ATP13A3: variants seen among roughly 807,000 people sequenced by gnomAD.
The protein encoded by ATP13A3 is polyamine-transporting ATPase 13A3.
ATP13A3 carries 59 observed loss-of-function variants against 158.1 expected under a neutral mutation model. The ratio of observed to expected loss-of-function variants is 0.37; its 90% CI spans 0.30 to 0.46. ATP13A3 has a LOEUF of 0.46. Ranked by LOEUF, ATP13A3 falls within the 20% of genes least tolerant of loss-of-function variation. The pLI is 1.00. For synonymous variants in ATP13A3, 491 were observed against 504.3 expected (o/e 0.97, Z 0.35); for missense variants, 1,166 against 1,525.2 (o/e 0.76, Z 3.92).
At chr3:194,420,255 T>C (rs2108765753) in intron 30 of ATP13A3, 1 of 179,892 alleles carries the variant, frequency 5.6e-6, no homozygotes, top group Non-Finnish European at 1.1e-5. Flanking sequence ...ACTCAGACCT[T>C]CACAGACATT....
intron 2 of ATP13A3, among the ~76,000 whole-genome samples, chr3:194,492,515 C>T (rs1295804099): frequency 6.6e-6 from 1 of 150,844 alleles, no homozygotes; most frequent in Non-Finnish European, 1.5e-5. Flanking sequence ...AGTACAATGG[C>T]ATGATCTTGG....
At position 194,406,023 on chromosome 3, in the gene ATP13A3, C is replaced by T. The variant is rs1714901385; in HGVS notation, c.3667G>A (p.Glu1223Lys). Residue 1223 changes from glutamate to lysine, a missense_variant, in exon 34 of 34, where the codon GAG becomes AAG. Around this residue, in one of 3 missense-constraint regions of ATP13A3, gnomAD observed 997 missense variants for 1,341.2 expected, o/e 0.74. Transcript: ENST00000645319. ...GGCCATTCTGGATCAACCAAGAGCT[C>T]CTGCGCCAGATACATGTACTTTGCC... is the stretch of plus-strand genomic sequence containing the variant. The part of the protein sequence containing the change: ...PKAKYMYLAQ[E>K]LLVDPEWPPK... 6.2e-7 allele frequency: 1 copy of T among 1,614,168 alleles called. No homozygotes were observed. Among genetic ancestry groups the T allele is most frequent in the Non-Finnish European group, 8.5e-7 (1 of 1,180,032 alleles).
At chr3:194,410,308 A>AAAC (rs1560066625) in intron 33 of ATP13A3, among the ~76,000 whole-genome samples, 1 of 139,948 alleles carries the variant, frequency 7.1e-6, no homozygotes, top group Non-Finnish European at 1.5e-5. Context: ...AAAAAAAAAA[A>AAAC]AAAAAAAAAA....
chr3:194,434,026 T>A, intron 20 of ATP13A3, 130 bp from the exon 21 acceptor site: 2 of 984,876 alleles, frequency 2.0e-6, no homozygotes, highest in Non-Finnish European at 2.9e-6. Flanking sequence ...TATCTATAAA[T>A]GAAAACATTT....
intron 20 of ATP13A3, 87 bp from the exon 21 acceptor site, chr3:194,433,983 A>C: frequency 7.6e-7 from 1 of 1,321,058 alleles, no homozygotes; most frequent in Non-Finnish European, 1.0e-6. Context: ...CTAAACAATT[A>C]AAAATGTCTA....
intron 7 of ATP13A3, 40 bp from the exon 8 acceptor site, chr3:194,456,002 A>AT (rs1719200048): frequency 1.6e-6 from 2 of 1,245,142 alleles, no homozygotes. Context: ...ACATTATATC[A>AT]TAATAGTATA....
rs3836225 is a variant in ATP13A3 at position 194,403,917 on chromosome 3, T to TG, written c.*2001dup. The TG allele has an allele frequency of 0.045, 12,409 of 273,826 alleles. 172 individuals carry two copies. The highest frequency in any genetic ancestry group is 0.077 in the African/African-American group (3,231 of 41,756). 17.0% of individuals were successfully genotyped at this position (273,826 alleles called of 1,614,324 possible). A position where few individuals can be genotyped will look rare whatever the true frequency, so the allele number is the denominator to read the frequency against. On this transcript the variant is annotated 3_prime_UTR_variant, in exon 34 of 34. Transcript: ENST00000645319. The stretch of plus-strand genomic sequence containing the variant: ...TTACTAACTCTAAATGTTAAAAAAG[T>TG]GGGGGGGGGGTGTCAAAAATAGCTC...
At chr3:194,430,456 T>C (rs1717136265) in intron 24 of ATP13A3, 141 bp from the exon 25 acceptor site, 2 of 949,178 alleles carry the variant, frequency 2.1e-6, no homozygotes, top group South Asian at 1.6e-5. Context: ...CTTTTCACTA[T>C]AATGAACACA....
chr3:194,459,918 A>G lies in ATP13A3; in HGVS notation c.279T>C (p.Thr93=), dbSNP rs192437984. 13,111 of 1,613,398 alleles carry G rather than the reference A, an allele frequency of 8.1e-3. 68 individuals carry two copies. Among genetic ancestry groups the G allele is most frequent in the Middle Eastern group, 0.018 (108 of 6,056 alleles). The change falls in exon 5 of 34, where the codon ACT becomes ACC. Residue 93 remains threonine (T), a synonymous_variant. Coordinates refer to ENST00000645319, the MANE Select transcript of ATP13A3 (RefSeq NM_001367549.1). The part of the protein sequence containing the change: ...CAKIRVLSLE[T]YPVSSPKSMS... ...TAGATTTTGGACTTGAAACTGGGTA[A>G]GTTTCCAAAGAAAGAACGCGAATTT...
intron 31 of ATP13A3, among the ~76,000 whole-genome samples, chr3:194,415,061 G>T (rs770568062): frequency 6.6e-6 from 1 of 152,214 alleles, no homozygotes; most frequent in Non-Finnish European, 1.5e-5. Flanking sequence ...AATGGGCAGA[G>T]GGAGTGGAGC....
At position 194,455,041 on chromosome 3, in the gene ATP13A3, C is replaced by T. The variant is rs189282767; in HGVS notation, c.631-649G>A. 1.2e-3 allele frequency among the ~76,000 whole-genome samples: 180 copies of T among 152,272 alleles called. 2 individuals are homozygous for T. Among genetic ancestry groups the T allele is most frequent in the Non-Finnish European group, 1.9e-3 (127 of 68,016 alleles). The stretch of plus-strand genomic sequence containing the variant: ...AGTACATTTATTTCCAATTACTGTG[C>T]TCTGGGCTAATAGAATACAAAACTT... On this transcript the variant is annotated intron_variant, in intron 8 of 33. Coordinates refer to ENST00000645319, the MANE Select transcript of ATP13A3 (RefSeq NM_001367549.1).
At chr3:194,490,818 A>G (rs990376664), upstream of ATP13A3, among the ~76,000 whole-genome samples, 2 of 152,234 alleles carry the variant, frequency 1.3e-5, no homozygotes. This position sits in a 1 kb window ranked among gnomAD's most constrained non-coding sequence, Gnocchi z 4.4. Context: ...CTCATCTACT[A>G]TGGCTATAGC....
chr3:194,422,145 C>T (rs2108778034), intron 30 of ATP13A3, among the ~76,000 whole-genome samples: 2 of 151,106 alleles, frequency 1.3e-5, no homozygotes, highest in South Asian at 4.2e-4. Context: ...AAAAAAGGCA[C>T]TATCCAAAAA....
At chr3:194,467,752 G>A (rs1191080488) in intron 2 of ATP13A3, 1 of 151,184 alleles carries the variant, frequency 6.6e-6, no homozygotes, top group Admixed American at 6.6e-5. Context: ...TGACTGAGAG[G>A]ATAAAAAACC....
rs181024321 is a variant in ATP13A3 at position 194,425,583 on chromosome 3, A to G, written c.3126-54T>C. On this transcript the variant is annotated intron_variant, in intron 29 of 33. Coordinates refer to ENST00000645319, the MANE Select transcript of ATP13A3 (RefSeq NM_001367549.1). ...TAGTAAACATAATACTCATTTCCCA[A>G]AAGAAACCAATCTTACCTTAATTGC... 2,401 of 1,423,316 alleles carry G rather than the reference A, an allele frequency of 1.7e-3. 4 individuals carry two copies. Among genetic ancestry groups the G allele is most frequent in the Non-Finnish European group, 1.6e-3 (1,689 of 1,044,342 alleles). The allele number at this position is 1,423,316 out of a possible 1,614,324, so 88.2% of individuals were successfully genotyped here.
rs1477969233 is a variant in ATP13A3 at position 194,403,636 on chromosome 3, G to C, written c.*2283C>G. The C allele has an allele frequency of 6.5e-6, 1 of 153,096 alleles. No individual in the cohort carries two copies. The highest frequency in any genetic ancestry group is 1.5e-5 in the Non-Finnish European group (1 of 68,726). 9.5% of individuals were successfully genotyped at this position (153,096 alleles called of 1,614,324 possible). A position where few individuals can be genotyped will look rare whatever the true frequency, so the allele number is the denominator to read the frequency against. On this transcript the variant is annotated 3_prime_UTR_variant, in exon 34 of 34. Transcript: ENST00000645319. ...TGTACAGATTTTAAAATTTAGGTCT[G>C]TATAAACTCAAATAATTTAATGTGA...
At position 194,462,255 on chromosome 3, in the gene ATP13A3, C is replaced by G. The variant is rs1225645959; in HGVS notation, c.-46-19G>C. The G allele has an allele frequency of 6.9e-7, 1 of 1,439,292 alleles. No homozygotes were observed. Among genetic ancestry groups the G allele is most frequent in the East Asian group, 2.3e-5 (1 of 44,006 alleles). 89.2% of individuals were successfully genotyped at this position (1,439,292 alleles called of 1,614,324 possible). A position where few individuals can be genotyped will look rare whatever the true frequency, so the allele number is the denominator to read the frequency against. On this transcript the variant is annotated intron_variant, in intron 2 of 33. Coordinates refer to ENST00000645319, the MANE Select transcript of ATP13A3 (RefSeq NM_001367549.1). ...AAGATCACTGAGGGAAGAAAGGGAACAGACGTTAGGGAACTATCTTCTATC... is the reference window on the plus strand; with the variant it reads ...AAGATCACTGAGGGAAGAAAGGGAAGAGACGTTAGGGAACTATCTTCTATC...
chr3:194,468,703 T>C (rs987115700), intron 2 of ATP13A3, among the ~76,000 whole-genome samples: 8 of 152,124 alleles, frequency 5.3e-5, no homozygotes, highest in African/African-American at 1.9e-4. Flanking sequence ...TTTTTAAGGA[T>C]AGTCTATGTA....
At chr3:194,483,106 C>CAA (rs112702787) in intron 2 of ATP13A3, among the ~76,000 whole-genome samples, 14,033 of 124,224 alleles carry the variant, frequency 0.11, 1,513 homozygotes, top group African/African-American at 0.29. Context: ...GACTCCGTCT[C>CAA]AAAAAAAAAA....
Sources: allele counts gnomAD v4.1 joint callset (sites outside exome capture counted in the v4.1 genomes callset), GRCh38; gene constraint gnomAD v4.1.1; regional missense constraint gnomAD v4.1.1; non-coding constraint Gnocchi (gnomAD v3.1); transcripts MANE v1.5; gene names NCBI Gene and HGNC (gene_info 2026-07-23, HGNC 2026-07-21).